The following IAPP variants were observed in gnomAD, a reference collection of about 807,000 sequenced individuals.
IAPP encodes the protein islet amyloid polypeptide.
In IAPP, 4 loss-of-function variants were observed where a neutral mutation model predicts 2.9. The ratio of observed to expected loss-of-function variants is 1.39; its 90% CI spans 0.69 to 3.19. The LOEUF is 3.19. Ranked by LOEUF, IAPP falls within the 30% of genes most tolerant of loss-of-function variation. The probability of loss-of-function intolerance (pLI) is 0.01; values close to 1 mark genes in which losing one functional copy is unlikely to be tolerated. For synonymous variants in IAPP, 40 were observed against 42.1 expected (o/e 0.95, Z 0.19); for missense variants, 114 against 105.3 (o/e 1.08, Z -0.36).
rs1940393298 is a variant in IAPP, at chr12:21,378,795, G to A, written c.*369G>A. On this transcript the variant is annotated 3_prime_UTR_variant, in exon 3 of 3. Transcript: ENST00000240652. ...CTTGACATGAGAAAATCAGTAATTG[G>A]ACCAGGCGCGGTGGCTCTTGCCTGT... 1 of 189,680 alleles carries A rather than the reference G, an allele frequency of 5.3e-6. No individual in the cohort carries two copies. The highest frequency in any genetic ancestry group is 5.5e-5 in the Admixed American group (1 of 18,092). The allele number at this position is 189,680 out of a possible 1,614,324, so 11.7% of individuals were successfully genotyped here.
At chr12:21,356,950 T>C (rs1164249051) in intron 1 of IAPP, among the ~76,000 whole-genome samples, 8 of 151,988 alleles carry the variant, frequency 5.3e-5, no homozygotes, top group African/African-American at 1.5e-4. Context: ...AGATTACAAA[T>C]ATAAATATAA....
intron 2 of IAPP, chr12:21,376,342 AT>A: frequency 5.5e-6 from 2 of 360,476 alleles, no homozygotes; most frequent in Non-Finnish European, 5.7e-6. Flanking sequence ...CCAAATTCCA[AT>A]TTTTACTGTT....
At chr12:21,362,443 A>C (rs1938987301) in intron 1 of IAPP, among the ~76,000 whole-genome samples, 1 of 152,186 alleles carries the variant, frequency 6.6e-6, no homozygotes, top group South Asian at 2.1e-4. Flanking sequence ...CACTGCAAAA[A>C]CATGCCAAAT....
rs192573749 is a variant in IAPP, at chr12:21,362,190, G to A, written c.-16+7177G>A. ...AAGGGAAGCCCATTAGACTAACAGT[G>A]AGCGGGTCTCTCGGCAGAAACTCTA... On this transcript the variant is annotated intron_variant, in intron 1 of 2. Transcript: ENST00000539393. 2.2e-4 allele frequency among the ~76,000 whole-genome samples: 33 copies of A among 152,222 alleles called. No homozygotes were observed. The Middle Eastern group carries it at 0.01, about 47-fold the overall frequency.
At chr12:21,357,069 T>A (rs541028558) in intron 1 of IAPP, among the ~76,000 whole-genome samples, 1 of 152,036 alleles carries the variant, frequency 6.6e-6, no homozygotes, top group Non-Finnish European at 1.5e-5. Context: ...AAAGAAAGGA[T>A]AAAAACAAAC....
rs1009424320 is a variant in IAPP, at chr12:21,376,998, G to A, written c.81-1239G>A. Among the ~76,000 whole-genome samples the A allele has an allele frequency of 5.5e-4, 83 of 151,948 alleles. 2 individuals are homozygous for A. Among genetic ancestry groups the A allele is most frequent in the Non-Finnish European group, 4.4e-5 (3 of 67,942 alleles). On this transcript the variant is annotated intron_variant, in intron 2 of 2. Transcript: ENST00000240652. The stretch of plus-strand genomic sequence containing the variant: ...TCCGATATCGTTTTAAAAGCACATT[G>A]AAACAAAAGGCTGTCAAAAAAATAG...
chr12:21,361,098 C>A (rs2137047434), intron 1 of IAPP, among the ~76,000 whole-genome samples: 1 of 152,286 alleles, frequency 6.6e-6, no homozygotes, highest in East Asian at 1.9e-4. Flanking sequence ...TCAAGTGGGT[C>A]CCTGACCCCT....
Position 21,373,005 on chromosome 12 carries a change from G to A in IAPP, c.-16+1G>A, listed in dbSNP as rs968577369. 7.1e-6 allele frequency: 2 copies of A among 280,990 alleles called. No individual in the cohort carries two copies. Among genetic ancestry groups the A allele is most frequent in the Admixed American group, 5.0e-5 (1 of 19,938 alleles). 17.4% of individuals were successfully genotyped at this position (280,990 alleles called of 1,614,324 possible). A position where few individuals can be genotyped will look rare whatever the true frequency, so the allele number is the denominator to read the frequency against. On this transcript the variant is annotated splice_donor_variant, in intron 1 of 2. Coordinates refer to ENST00000240652, the MANE Select transcript of IAPP (RefSeq NM_000415.3). LOFTEE classifies it low-confidence loss of function (5UTR_SPLICE). ...ATTGCTGACATTGAAACATTAAAAG[G>A]TAAAGAATTTCCTATTTCTGGGAAA...
chr12:21,372,954 T>G lies in IAPP; in HGVS notation c.-66T>G, dbSNP rs1200328579. The G allele has an allele frequency of 4.2e-6, 1 of 237,406 alleles. No homozygotes were observed. The highest frequency in any genetic ancestry group is 1.2e-4 in the East Asian group (1 of 8,090). The allele number at this position is 237,406 out of a possible 1,614,324, so 14.7% of individuals were successfully genotyped here. On this transcript the variant is annotated 5_prime_UTR_variant, in exon 1 of 3. Transcript: ENST00000240652. ...AGCTTGGACTCTTTTCTTGAAGCTT[T>G]CTTTCTATCAGAAGCATTTGCTGAT... is the stretch of plus-strand genomic sequence containing the variant.
intron 2 of IAPP, among the ~76,000 whole-genome samples, chr12:21,374,818 G>C (rs922816755): frequency 1.6e-5 from 2 of 121,844 alleles, no homozygotes; most frequent in Non-Finnish European, 1.7e-5. Context: ...TTTGAGACAG[G>C]GTCTCTCTCT....
upstream of IAPP, among the ~76,000 whole-genome samples, chr12:21,368,352 C>T (rs1939539317): frequency 6.6e-6 from 1 of 152,004 alleles, no homozygotes; most frequent in African/African-American, 2.4e-5. Flanking sequence ...AACAAATGCC[C>T]CCATTTTTTA....
upstream of IAPP, among the ~76,000 whole-genome samples, chr12:21,370,955 G>T (rs911873578): frequency 2.6e-5 from 4 of 152,216 alleles, no homozygotes; most frequent in African/African-American, 9.6e-5. Flanking sequence ...GAAGAAAACA[G>T]CTTTATTGAA....
At position 21,379,928 on chromosome 12, in the gene IAPP, T is replaced by C. The variant is rs1940482972; in HGVS notation, c.*1502T>C. On this transcript the variant is annotated 3_prime_UTR_variant, in exon 3 of 3. Transcript: ENST00000240652. ...GGCAGGGAAATATATTTATAATAAA[T>C]TCTATGTCATGAATTACATATTGAA... is the stretch of plus-strand genomic sequence containing the variant. 1 of 152,174 alleles carries C rather than the reference T, an allele frequency of 6.6e-6. No homozygotes were observed. Among genetic ancestry groups the C allele is most frequent in the African/African-American group, 2.4e-5 (1 of 41,446 alleles). The allele number at this position is 152,174 out of a possible 1,614,324, so 9.4% of individuals were successfully genotyped here.
upstream of IAPP, among the ~76,000 whole-genome samples, chr12:21,370,507 G>A (rs1310237895): frequency 1.6e-5 from 2 of 128,062 alleles, no homozygotes; most frequent in Non-Finnish European, 3.1e-5. Flanking sequence ...AGGCCCTGGT[G>A]TGTGATGTTC....
intron 1 of IAPP, among the ~76,000 whole-genome samples, chr12:21,356,238 C>T (rs891656684): frequency 1.3e-5 from 2 of 151,656 alleles, no homozygotes; most frequent in Non-Finnish European, 2.9e-5. Flanking sequence ...ATATATAATT[C>T]TTGAATAAAG....
intron 1 of IAPP, among the ~76,000 whole-genome samples, chr12:21,366,610 G>A (rs1006619121): frequency 3.3e-5 from 5 of 151,944 alleles, no homozygotes; most frequent in South Asian, 4.2e-4. Context: ...GGGATCTGAA[G>A]GAAATGAAGA....
intron 1 of IAPP, among the ~76,000 whole-genome samples, chr12:21,363,136 T>C (rs904737128): frequency 1.3e-5 from 2 of 152,162 alleles, no homozygotes; most frequent in African/African-American, 2.4e-5. Context: ...ATGGACCACA[T>C]AGTTGGAAGT....
intron 2 of IAPP, among the ~76,000 whole-genome samples, chr12:21,375,889 G>C (rs1940158726): frequency 6.6e-6 from 1 of 151,008 alleles, no homozygotes; most frequent in African/African-American, 2.4e-5. Flanking sequence ...TATGTTACCT[G>C]TCCAGGTAGT....
intron 1 of IAPP, among the ~76,000 whole-genome samples, chr12:21,365,822 A>G (rs1939331313): frequency 6.6e-6 from 1 of 152,254 alleles, no homozygotes; most frequent in African/African-American, 2.4e-5. Flanking sequence ...TGGCCATCAG[A>G]GAAATGCACA....
Sources: gnomAD v4.1 joint callset for allele counts (sites outside exome capture counted in the v4.1 genomes callset) on GRCh38, gnomAD v4.1.1 for gene constraint, MANE v1.5 for transcripts, NCBI Gene and HGNC (gene_info 2026-07-23, HGNC 2026-07-21) for gene names.